The following WRAP73 variants were observed in gnomAD, a reference collection of about 807,000 sequenced individuals.
WRAP73 encodes WD repeat containing, antisense to TP73.
A neutral mutation model predicts 59.6 loss-of-function variants in WRAP73; 55 were observed. That is an observed-to-expected ratio of 0.92 (90% CI 0.74 to 1.15). The LOEUF (loss-of-function observed/expected upper bound fraction) is 1.15, where lower values mean the gene tolerates loss of function less well. Among genes scored for constraint, WRAP73 ranks in the 50% most tolerant of loss-of-function variants. The probability of loss-of-function intolerance (pLI) is 0.00; values close to 1 mark genes in which losing one functional copy is unlikely to be tolerated. For missense variants in WRAP73, 592 were observed against 608.1 expected (o/e 0.97, Z 0.28); for synonymous variants, 265 against 258.2 (o/e 1.03, Z -0.25).
rs12040834 is a variant in WRAP73 at position 3,649,961 on chromosome 1, G to T, written c.39C>A (p.Leu13=). ...ACTTGCCGTCCGGGGAGAACTTGCA[G>T]AGTAAGCTGGAGAGCTTGAATACCT... is the stretch of plus-strand genomic sequence containing the variant. ...FSEVFKLSSL[L]CKFSPDGKYL... Residue 13 remains leucine (L), a synonymous_variant, in exon 1 of 12, where the codon CTC becomes CTA. Coordinates refer to ENST00000270708, the MANE Select transcript of WRAP73 (RefSeq NM_017818.4). 6.2e-7 allele frequency: 1 copy of T among 1,603,566 alleles called. No homozygotes were observed. The highest frequency in any genetic ancestry group is 2.3e-5 in the East Asian group (1 of 43,970).
intron 4 of WRAP73, among the ~76,000 whole-genome samples, chr1:3,637,499 A>G (rs1041428791): frequency 6.6e-6 from 1 of 152,204 alleles, no homozygotes; most frequent in Admixed American, 6.5e-5. Context: ...GGTTCCTACC[A>G]TATTTATTTT....
At chr1:3,647,308 A>G in intron 2 of WRAP73, 100 bp downstream of exon 2, 4 of 1,310,122 alleles carry the variant, frequency 3.1e-6, no homozygotes, top group Non-Finnish European at 4.0e-6. Flanking sequence ...TTTGAGCTGC[A>G]CGGACTTTTT....
chr1:3,636,977 G>C lies in WRAP73; in HGVS notation c.516+18C>G. 1 of 1,611,970 alleles carries C rather than the reference G, an allele frequency of 6.2e-7. No individual in the cohort carries two copies. Among genetic ancestry groups the C allele is most frequent in the African/African-American group, 1.3e-5 (1 of 75,034 alleles). ...CAGTCAGCAGGACAACTTTATTCCA[G>C]TCTGGGGGACGCCTTACCCGCAGGA... is the stretch of plus-strand genomic sequence containing the variant. On this transcript the variant is annotated intron_variant, in intron 5 of 11. Coordinates refer to ENST00000270708, the MANE Select transcript of WRAP73 (RefSeq NM_017818.4).
At chr1:3,649,778 C>T (rs545059479) in intron 1 of WRAP73, among the ~76,000 whole-genome samples, 153 bp downstream of exon 1, 2 of 151,132 alleles carry the variant, frequency 1.3e-5, no homozygotes, top group South Asian at 2.1e-4. Context: ...ACTGCACCTG[C>T]CCCGGGTACC....
chr1:3,632,450 A>C, intron 9 of WRAP73, 112 bp from the exon 10 acceptor site: 1 of 1,548,652 alleles, frequency 6.5e-7, no homozygotes, highest in Non-Finnish European at 8.9e-7. Flanking sequence ...CCTCTGTTCA[A>C]AGGGGAGGAA....
rs1178165857 is a variant in WRAP73, at chr1:3,635,959, C to G, written c.588G>C (p.Trp196Cys). The change falls in exon 6 of 12, where the codon TGG (tryptophan) becomes TGC (cysteine). Residue 196 changes from tryptophan (W) to cysteine (C), a missense_variant. By Grantham distance (215) the Trp-to-Cys change is radical (BLOSUM62 -2). Coordinates refer to ENST00000270708, the MANE Select transcript of WRAP73 (RefSeq NM_017818.4). ...WAPNGCVLAVWDTCLEYKILL... is the reference protein window; with the variant it reads ...WAPNGCVLAVCDTCLEYKILL... ...ATCTTCATACCTCCAAGCAGGTGTC[C>G]CACACTGCCAGCACACAGCCGTTTG... is the stretch of plus-strand genomic sequence containing the variant. 1.2e-6 allele frequency: 2 copies of G among 1,613,922 alleles called. No individual in the cohort carries two copies. Among genetic ancestry groups the G allele is most frequent in the Non-Finnish European group, 1.7e-6 (2 of 1,179,926 alleles).
intron 6 of WRAP73, 52 bp downstream of exon 6, chr1:3,635,892 A>T: frequency 2.0e-6 from 3 of 1,471,266 alleles, no homozygotes; most frequent in Non-Finnish European, 2.8e-6. Context: ...GAAAGCATGA[A>T]ATTCCGGGAA....
chr1:3,650,077 C>G lies in WRAP73; in HGVS notation c.-78G>C. On this transcript the variant is annotated 5_prime_UTR_variant, in exon 1 of 12. Transcript: ENST00000270708. ...TGGGCGCGCAGCAGGCTGCAACAGC[C>G]GACGCCGGCCTCCGAGGCCGGAAGT... 2.1e-6 allele frequency: 3 copies of G among 1,416,090 alleles called. No homozygotes were observed. Among genetic ancestry groups the G allele is most frequent in the Admixed American group, 5.5e-5 (2 of 36,558 alleles). The allele number at this position is 1,416,090 out of a possible 1,614,324, so 87.7% of individuals were successfully genotyped here.
intron 10 of WRAP73, 139 bp from the exon 11 acceptor site, chr1:3,631,796 G>GGGTTCAGTT: frequency 7.0e-7 from 1 of 1,438,612 alleles, no homozygotes; most frequent in Non-Finnish European, 9.1e-7. Flanking sequence ...CCTGCAGTCT[G>GGGTTCAGTT]GGTTCAGTTG....
At chr1:3,643,078 C>T (rs1399847783) in intron 3 of WRAP73, among the ~76,000 whole-genome samples, 1 of 152,256 alleles carries the variant, frequency 6.6e-6, no homozygotes, top group Admixed American at 6.5e-5. Flanking sequence ...TTCACAGCCA[C>T]ACCGTCCGTG....
At chr1:3,644,692 T>G (rs1456543884) in intron 3 of WRAP73, among the ~76,000 whole-genome samples, 1 of 152,240 alleles carries the variant, frequency 6.6e-6, no homozygotes, top group Non-Finnish European at 1.5e-5. Context: ...ACCTTAGTCT[T>G]AGGTTGAACA....
chr1:3,641,269 C>T (rs1249585489), intron 3 of WRAP73, among the ~76,000 whole-genome samples: 1 of 147,608 alleles, frequency 6.8e-6, no homozygotes, highest in Non-Finnish European at 1.5e-5. Flanking sequence ...GAACGGGCCA[C>T]CGATCCACAC....
At position 3,646,587 on chromosome 1, in the gene WRAP73, C is replaced by T; in HGVS notation, c.339+79G>A. 1 of 1,197,116 alleles carries T rather than the reference C, an allele frequency of 8.4e-7. No individual in the cohort carries two copies. Among genetic ancestry groups the T allele is most frequent in the Non-Finnish European group, 1.2e-6 (1 of 842,866 alleles). The allele number at this position is 1,197,116 out of a possible 1,614,324, so 74.2% of individuals were successfully genotyped here. A position where few individuals can be genotyped will look rare whatever the true frequency, so the allele number is the denominator to read the frequency against. ...AGACTAGCATACTCCAAACACACCC[C>T]CTCTCGCACTCCCCAGCTGTTTCGA... On this transcript the variant is annotated intron_variant, in intron 3 of 11. Transcript: ENST00000270708. This position sits in a 1 kb window ranked among gnomAD's most constrained non-coding sequence, Gnocchi z 5.1.
At chr1:3,637,148 A>G in intron 4 of WRAP73, 50 bp from the exon 5 acceptor site, 1 of 1,475,628 alleles carries the variant, frequency 6.8e-7, no homozygotes, top group Non-Finnish European at 9.3e-7. Flanking sequence ...AAAATCAAGC[A>G]AGAGAAACCA....
chr1:3,631,689 T>C (rs1470580610), intron 10 of WRAP73, 32 bp from the exon 11 acceptor site: 1 of 1,563,946 alleles, frequency 6.4e-7, no homozygotes, highest in Admixed American at 1.7e-5. Context: ...ACCGGTGTCA[T>C]CCCTGCCTGG....
intron 3 of WRAP73, among the ~76,000 whole-genome samples, chr1:3,641,161 G>A (rs1443342506): frequency 6.6e-6 from 1 of 152,202 alleles, no homozygotes; most frequent in East Asian, 1.9e-4. Flanking sequence ...TCAGCAGCAG[G>A]AAGAAAGGAC....
intron 5 of WRAP73, 102 bp from the exon 6 acceptor site, chr1:3,636,132 T>C: frequency 3.5e-6 from 3 of 857,374 alleles, no homozygotes; most frequent in South Asian, 3.0e-5. Flanking sequence ...TTTCCTTATA[T>C]AGAAATTGAC....
In WRAP73 at chr1:3,631,602, C is replaced by T. The variant is rs747636005; in HGVS notation, c.1104G>A (p.Ala368=). The change falls in exon 11 of 12, where the codon GCG becomes GCA. Residue 368 remains alanine (A), a synonymous_variant. Coordinates refer to ENST00000270708, the MANE Select transcript of WRAP73 (RefSeq NM_017818.4). ...VWDIQKLRLF[A]VLEQLSPVRA... The stretch of plus-strand genomic sequence containing the variant: ...GCACTGGGGACAGCTGCTCGAGCAC[C>T]GCGAACAGCCTCAGCTTCTGAATGT... 2.2e-5 allele frequency: 35 copies of T among 1,605,928 alleles called. No homozygotes were observed. The highest frequency in any genetic ancestry group is 1.2e-4 in the South Asian group (11 of 91,032).
At chr1:3,636,289 T>C (rs1051012471) in intron 5 of WRAP73, 1 of 468,888 alleles carries the variant, frequency 2.1e-6, no homozygotes, top group Non-Finnish European at 3.8e-6. Context: ...GTGCACACTC[T>C]CCCCCTCACC....
Sources: gnomAD v4.1 joint callset for allele counts (sites outside exome capture counted in the v4.1 genomes callset) on GRCh38, gnomAD v4.1.1 for gene constraint, Gnocchi (gnomAD v3.1) non-coding constraint, MANE v1.5 for transcripts, NCBI Gene and HGNC (gene_info 2026-07-23, HGNC 2026-07-21) for gene names.